RAPGEF4: variants seen among roughly 807,000 people sequenced by gnomAD.
RAPGEF4 encodes Rap guanine nucleotide exchange factor 4, also known as RAP guanine-nucleotide-exchange factor (GEF) 4.
Under a neutral mutation model 147.9 loss-of-function variants are expected in RAPGEF4, and 66 were observed. The ratio of observed to expected loss-of-function variants is 0.45; its 90% CI spans 0.37 to 0.55. The LOEUF is 0.55. Among genes scored for constraint, RAPGEF4 ranks in the 20% least tolerant of loss-of-function variants. The probability of loss-of-function intolerance (pLI) is 0.00; values close to 1 mark genes in which losing one functional copy is unlikely to be tolerated. For missense variants in RAPGEF4, 1,071 were observed against 1,257.3 expected (o/e 0.85, Z 2.24); for synonymous variants, 419 against 442.7 (o/e 0.95, Z 0.67).
intron 3 of RAPGEF4, among the ~76,000 whole-genome samples, chr2:172,814,072 G>T (rs1490705717): frequency 6.6e-6 from 1 of 152,126 alleles, no homozygotes; most frequent in Non-Finnish European, 1.5e-5. Context: ...CTGGAAAGGG[G>T]CACGAGGGGA....
chr2:172,827,963 T>C (rs1559062563), intron 4 of RAPGEF4, among the ~76,000 whole-genome samples: 1 of 152,200 alleles, frequency 6.6e-6, no homozygotes, highest in Non-Finnish European at 1.5e-5. Flanking sequence ...CCTTTTCTAG[T>C]TGTAGTGCCT....
chr2:172,749,682 C>A (rs2149438939), intron 1 of RAPGEF4, among the ~76,000 whole-genome samples: 2 of 152,336 alleles, frequency 1.3e-5, no homozygotes. Flanking sequence ...CTCCTCATTA[C>A]TTATGCAAAT....
At chr2:173,009,425 G>T (rs1285076969) in intron 17 of RAPGEF4, among the ~76,000 whole-genome samples, 4 of 152,172 alleles carry the variant, frequency 2.6e-5, no homozygotes, top group African/African-American at 9.7e-5. Flanking sequence ...TTACGACCTC[G>T]TTCCTTCTGT....
At chr2:172,778,891 A>G (rs967347368) in intron 1 of RAPGEF4, among the ~76,000 whole-genome samples, 1 of 152,202 alleles carries the variant, frequency 6.6e-6, no homozygotes. Flanking sequence ...AATATTCATT[A>G]AAAAATGAAT....
intron 1 of RAPGEF4, among the ~76,000 whole-genome samples, chr2:172,761,878 C>T (rs1696380370): frequency 6.6e-6 from 1 of 152,096 alleles, no homozygotes; most frequent in African/African-American, 2.4e-5. Context: ...AATCCCAGCA[C>T]TTTGGGAGGC....
chr2:172,770,496 C>T (rs1045638854), intron 1 of RAPGEF4, among the ~76,000 whole-genome samples: 11 of 152,224 alleles, frequency 7.2e-5, no homozygotes, highest in Non-Finnish European at 5.9e-5. Context: ...CTAATGAAAA[C>T]ACAATAAATG....
intron 6 of RAPGEF4, among the ~76,000 whole-genome samples, chr2:172,942,957 C>T (rs1449925464): frequency 2.6e-5 from 4 of 152,074 alleles, no homozygotes; most frequent in Non-Finnish European, 4.4e-5. Flanking sequence ...ATCTGGCTGG[C>T]GGCCACTGCA....
intron 1 of RAPGEF4, among the ~76,000 whole-genome samples, chr2:172,739,718 T>C (rs1427214971): frequency 1.3e-5 from 2 of 152,242 alleles, no homozygotes; most frequent in African/African-American, 4.8e-5. Flanking sequence ...ATTTTAAATT[T>C]GCCAACTGTG....
At chr2:172,748,615 G>C (rs1053635129) in intron 1 of RAPGEF4, among the ~76,000 whole-genome samples, 3 of 152,088 alleles carry the variant, frequency 2.0e-5, no homozygotes, top group Non-Finnish European at 1.5e-5. Context: ...AGATAGATTT[G>C]GGTGGGGACA....
intron 15 of RAPGEF4, among the ~76,000 whole-genome samples, chr2:172,992,242 A>T (rs2105745040): frequency 6.6e-6 from 1 of 152,344 alleles, no homozygotes. Context: ...TTACCATAGA[A>T]ATTTCCTTAT....
chr2:173,018,828 G>C (rs1179145364), intron 22 of RAPGEF4, 26 bp downstream of exon 22: 7 of 1,606,340 alleles, frequency 4.4e-6, no homozygotes, highest in African/African-American at 1.3e-5. Flanking sequence ...CATATTTTAG[G>C]CTCTGCAAAA....
chr2:172,751,826 G>C (rs921722853), intron 1 of RAPGEF4, among the ~76,000 whole-genome samples: 3 of 152,158 alleles, frequency 2.0e-5, no homozygotes, highest in Non-Finnish European at 4.4e-5. Flanking sequence ...TGGTAACAAG[G>C]CCTTTTTTTG....
intron 4 of RAPGEF4, among the ~76,000 whole-genome samples, chr2:172,827,832 A>T (rs1689841306): frequency 6.6e-6 from 1 of 152,196 alleles, no homozygotes; most frequent in Admixed American, 6.5e-5. Flanking sequence ...TAGACAGAGC[A>T]GGGGTTCAAA....
At chr2:172,846,236 A>T (rs1049634948) in intron 4 of RAPGEF4, among the ~76,000 whole-genome samples, 3 of 152,138 alleles carry the variant, frequency 2.0e-5, no homozygotes, top group Admixed American at 2.0e-4. Context: ...ATGCCTATTT[A>T]TAGTTAATCC....
At chr2:173,011,857 A>G (rs937386834) in intron 17 of RAPGEF4, among the ~76,000 whole-genome samples, 6 of 151,810 alleles carry the variant, frequency 4.0e-5, no homozygotes, top group Non-Finnish European at 5.9e-5. Flanking sequence ...CGTCTCAAAA[A>G]AAAAAAAACC....
intron 1 of RAPGEF4, among the ~76,000 whole-genome samples, chr2:172,791,774 A>G (rs1685852780): frequency 6.6e-6 from 1 of 152,180 alleles, no homozygotes; most frequent in Non-Finnish European, 1.5e-5. Context: ...CTGAAGCTTG[A>G]AGTTCTTCTG....
At chr2:172,964,923 A>G (rs1447579425) in intron 8 of RAPGEF4, among the ~76,000 whole-genome samples, 1 of 152,186 alleles carries the variant, frequency 6.6e-6, no homozygotes, top group African/African-American at 2.4e-5. Context: ...GTGTGAATAT[A>G]CAGGAAGCCA....
chr2:172,792,678 C>T (rs557442751), intron 1 of RAPGEF4, among the ~76,000 whole-genome samples: 26 of 152,292 alleles, frequency 1.7e-4, no homozygotes, highest in African/African-American at 5.5e-4. Flanking sequence ...CTTAGGTCTT[C>T]CACTTAGTGA....
At position 173,018,674 on chromosome 2, in the gene RAPGEF4, G is replaced by C; in HGVS notation, c.2027G>C (p.Cys676Ser). 6.2e-7 allele frequency: 1 copy of C among 1,614,044 alleles called. No individual in the cohort carries two copies. Among genetic ancestry groups the C allele is most frequent in the Non-Finnish European group, 8.5e-7 (1 of 1,180,002 alleles). Residue 676 changes from cysteine (C) to serine (S), a missense_variant, in exon 22 of 31, where the codon TGC (cysteine) becomes TCC (serine). Transcript: ENST00000397081. Reference protein sequence around the residue: ...GSDEVLFKVYCMDHTYTTIRV... With the variant: ...GSDEVLFKVYSMDHTYTTIRV... Reference sequence around the variant, plus strand: ...TGGATAGTTCTGTTTAAGGTCTATTGCATGGACCACACCTACACAACCATT... The same window carrying C: ...TGGATAGTTCTGTTTAAGGTCTATTCCATGGACCACACCTACACAACCATT...
Sources: gnomAD v4.1 joint callset for allele counts (sites outside exome capture counted in the v4.1 genomes callset) on GRCh38, gnomAD v4.1.1 for gene constraint, MANE v1.5 for transcripts, NCBI Gene and HGNC (gene_info 2026-07-23, HGNC 2026-07-21) for gene names.